Variants in STK3 observed in about 807,000 individuals in gnomAD.
STK3 encodes the protein serine/threonine kinase 3, also known as serine/threonine-protein kinase 3.
Under a neutral mutation model 58.0 loss-of-function variants are expected in STK3, and 41 were observed. The observed-to-expected ratio is 0.71, with a 90% confidence interval of 0.55 to 0.92. The LOEUF (loss-of-function observed/expected upper bound fraction) is 0.92, where lower values mean the gene tolerates loss of function less well. Ranked by LOEUF, STK3 falls within the 40% of genes least tolerant of loss-of-function variation. The pLI is 0.00. For synonymous variants in STK3, 170 were observed against 191.0 expected (o/e 0.89, Z 0.91); for missense variants, 479 against 602.7 (o/e 0.79, Z 2.15).
intron 4 of STK3, among the ~76,000 whole-genome samples, chr8:98,738,701 C>T (rs545995873): frequency 2.0e-5 from 3 of 152,292 alleles, no homozygotes; most frequent in South Asian, 4.1e-4. Context: ...ATCTGAGGTA[C>T]CAGGTTCATC....
At chr8:98,661,555 T>G (rs987071830) in intron 6 of STK3, among the ~76,000 whole-genome samples, 1 of 152,002 alleles carries the variant, frequency 6.6e-6, no homozygotes, top group Middle Eastern at 3.2e-3. Flanking sequence ...ATTAGTGACA[T>G]AACAACAACA....
intron 6 of STK3, among the ~76,000 whole-genome samples, chr8:98,681,352 A>G (rs1664392550): frequency 6.6e-6 from 1 of 152,170 alleles, no homozygotes; most frequent in Non-Finnish European, 1.5e-5. Context: ...TCTTCAAGAT[A>G]CAATAAGAGT....
chr8:98,791,986 T>C (rs1832831593), intron 1 of STK3, among the ~76,000 whole-genome samples: 1 of 152,160 alleles, frequency 6.6e-6, no homozygotes, highest in Admixed American at 6.5e-5. Flanking sequence ...TAAAGAGCTT[T>C]TGCACGACAA....
intron 1 of STK3, among the ~76,000 whole-genome samples, chr8:98,787,190 A>G (rs1832525705): frequency 6.7e-6 from 1 of 149,966 alleles, no homozygotes; most frequent in South Asian, 2.1e-4. Flanking sequence ...AAAAAAAAAA[A>G]AAAACAAGAA....
In STK3 at chr8:98,455,296, A is replaced by C. The variant is rs1010799414; in HGVS notation, c.*546T>G. ...TTCCTATTTGAAAAACTATCCTGGA[A>C]ATCAAGGAATGTACCCCATAGCTCC... On this transcript the variant is annotated 3_prime_UTR_variant, in exon 11 of 11. Transcript: ENST00000419617. 1.3e-5 allele frequency: 2 copies of C among 152,278 alleles called. No individual in the cohort carries two copies. Among genetic ancestry groups the C allele is most frequent in the Non-Finnish European group, 2.9e-5 (2 of 68,020 alleles). The allele number at this position is 152,278 out of a possible 1,614,324, so 9.4% of individuals were successfully genotyped here.
intron 1 of STK3, among the ~76,000 whole-genome samples, chr8:98,445,828 C>G (rs1006448247): frequency 2.0e-5 from 3 of 152,192 alleles, no homozygotes; most frequent in African/African-American, 7.2e-5. Context: ...GCAGACATCA[C>G]TATTTCTAGA....
chr8:98,428,979 C>T lies in STK3; in HGVS notation n.483+5148G>A. 1.2e-6 allele frequency: 2 copies of T among 1,614,160 alleles called. No homozygotes were observed. Among genetic ancestry groups the T allele is most frequent in the Non-Finnish European group, 1.7e-6 (2 of 1,180,032 alleles). On this transcript the variant is annotated intron_variant and non_coding_transcript_variant, in intron 3 of 3. Coordinates refer to the STK3 transcript ENST00000517832. This position sits in a 1 kb window ranked among gnomAD's most constrained non-coding sequence, Gnocchi z 6.7. ...CTACAAAGAAGTAGGGCTGCTCTTG[C>T]TCTACCTCTCCGTGGGGATTTCCAT... is the stretch of plus-strand genomic sequence containing the variant.
upstream of STK3, among the ~76,000 whole-genome samples, chr8:98,829,333 G>C (rs1835441490): frequency 6.6e-6 from 1 of 152,116 alleles, no homozygotes; most frequent in Admixed American, 6.5e-5. Flanking sequence ...CTCAACTGAT[G>C]CTTTGTAAAT....
chr8:98,631,481 A>G (rs1023636762), intron 6 of STK3, among the ~76,000 whole-genome samples: 5 of 152,168 alleles, frequency 3.3e-5, no homozygotes, highest in African/African-American at 1.2e-4. Flanking sequence ...TTCTTTCCCC[A>G]GAAATCTGCA....
chr8:98,763,989 A>T (rs746063929), intron 3 of STK3, among the ~76,000 whole-genome samples: 16 of 152,100 alleles, frequency 1.1e-4, no homozygotes, highest in Non-Finnish European at 1.9e-4. Context: ...TTTATTTTTT[A>T]CTAGTCCTAT....
chr8:98,734,262 A>G (rs1828412495), intron 4 of STK3, among the ~76,000 whole-genome samples: 1 of 152,262 alleles, frequency 6.6e-6, no homozygotes, highest in Non-Finnish European at 1.5e-5. Flanking sequence ...ACTGACAAGT[A>G]AAATGTAAAG....
At chr8:98,561,270 C>T (rs1164472683) in intron 8 of STK3, among the ~76,000 whole-genome samples, 1 of 148,998 alleles carries the variant, frequency 6.7e-6, no homozygotes, top group Non-Finnish European at 1.5e-5. Context: ...GTCTTTTAAT[C>T]AAATGGTGCT....
chr8:98,380,263 T>A (rs918925590), intron 1 of STK3, among the ~76,000 whole-genome samples: 1 of 152,136 alleles, frequency 6.6e-6, no homozygotes, highest in Non-Finnish European at 1.5e-5. Context: ...TGTACACTTA[T>A]TACGGGGATA....
At chr8:98,905,187 T>C in intron 1 of STK3, 1 of 1,049,856 alleles carries the variant, frequency 9.5e-7, no homozygotes, top group Non-Finnish European at 1.5e-6. Flanking sequence ...GCAGCCACAC[T>C]GGTCTCCCAT....
chr8:98,851,155 C>A (rs1836454343), intron 3 of STK3, among the ~76,000 whole-genome samples: 1 of 152,120 alleles, frequency 6.6e-6, no homozygotes, highest in Non-Finnish European at 1.5e-5. Context: ...TCTAGGGAAG[C>A]AACACCCCCA....
chr8:98,376,642 T>C (rs574418591), intron 2 of STK3, among the ~76,000 whole-genome samples: 44 of 152,350 alleles, frequency 2.9e-4, no homozygotes, highest in Admixed American at 7.2e-4. Context: ...TATCCAATTG[T>C]TCCATCTACT....
intron 10 of STK3, among the ~76,000 whole-genome samples, chr8:98,460,086 A>G (rs964425135): frequency 6.6e-6 from 1 of 152,154 alleles, no homozygotes; most frequent in Admixed American, 6.5e-5. Context: ...AGCTGCAGAC[A>G]CTCAATACCA....
intron 10 of STK3, among the ~76,000 whole-genome samples, chr8:98,495,346 T>C (rs1823044218): frequency 1.3e-5 from 2 of 152,286 alleles, no homozygotes; most frequent in South Asian, 2.1e-4. Context: ...AGTGGGATCA[T>C]ATTTCTATAT....
At chr8:98,534,213 C>G (rs948103150) in intron 9 of STK3, among the ~76,000 whole-genome samples, 2 of 152,216 alleles carry the variant, frequency 1.3e-5, no homozygotes, top group Non-Finnish European at 2.9e-5. Flanking sequence ...CCTCTAATTA[C>G]AGCTGTTCCA....
Sources: gnomAD v4.1 joint callset for allele counts (sites outside exome capture counted in the v4.1 genomes callset) on GRCh38, gnomAD v4.1.1 for gene constraint, Gnocchi (gnomAD v3.1) non-coding constraint, MANE v1.5 for transcripts, NCBI Gene and HGNC (gene_info 2026-07-23, HGNC 2026-07-21) for gene names.